CNTN4: variants seen among roughly 807,000 people sequenced by gnomAD.
CNTN4 encodes the protein contactin-4.
A neutral mutation model predicts 122.5 loss-of-function variants in CNTN4; 77 were observed. The observed-to-expected ratio is 0.63, with a 90% CI of 0.52 to 0.76. The LOEUF (loss-of-function observed/expected upper bound fraction) is 0.76. Ranked by LOEUF, CNTN4 falls within the 30% of genes least tolerant of loss-of-function variation. CNTN4 has a pLI of 0.00. For synonymous variants in CNTN4, 512 were observed against 447.0 expected (o/e 1.15, Z -1.83); for missense variants, 1,256 against 1,259.1 (o/e 1.00, Z 0.04).
chr3:2,626,988 T>G (rs2082215037), intron 4 of CNTN4, among the ~76,000 whole-genome samples: 1 of 152,238 alleles, frequency 6.6e-6, no homozygotes, highest in Non-Finnish European at 1.5e-5. Flanking sequence ...CAGTCTGCCC[T>G]TGGTTCCCAC....
rs529613454 is a variant in CNTN4, at chr3:2,295,944, G to A, written c.-144-43234G>A. On this transcript the variant is annotated intron_variant, in intron 2 of 24. Coordinates refer to ENST00000418658, the MANE Select transcript of CNTN4 (RefSeq NM_175607.3). ...ATTTATTAAATAGGGAATCCTTTCC[G>A]CATTTCTTGTTTTTATCAGGTTTGT... is the stretch of plus-strand genomic sequence containing the variant. 6.4e-3 allele frequency among the ~76,000 whole-genome samples: 969 copies of A among 152,080 alleles called. 9 individuals are homozygous for A. Among genetic ancestry groups the A allele is most frequent in the Non-Finnish European group, 0.011 (754 of 67,958 alleles).
chr3:2,855,933 G>T (rs1001840195), intron 7 of CNTN4, among the ~76,000 whole-genome samples: 2 of 152,194 alleles, frequency 1.3e-5, no homozygotes, highest in African/African-American at 4.8e-5. Context: ...TGATAGTCCA[G>T]AGGTTTTTTT....
intron 3 of CNTN4, among the ~76,000 whole-genome samples, chr3:2,570,653 C>T (rs571763574): frequency 5.3e-5 from 8 of 152,278 alleles, no homozygotes; most frequent in African/African-American, 1.7e-4. Context: ...CAAGGACATG[C>T]CTCCATTCCT....
intron 2 of CNTN4, among the ~76,000 whole-genome samples, chr3:2,229,207 C>T (rs2039395499): frequency 6.6e-6 from 1 of 152,152 alleles, no homozygotes; most frequent in African/African-American, 2.4e-5. Context: ...CGATGTATTT[C>T]ATCATTTATC....
intron 14 of CNTN4, among the ~76,000 whole-genome samples, chr3:3,014,669 A>G (rs527465020): frequency 3.3e-5 from 5 of 151,316 alleles, no homozygotes; most frequent in African/African-American, 1.2e-4. Flanking sequence ...GTTTCTCTGC[A>G]TTTTCATCTC....
At chr3:2,259,186 C>T (rs1421661772) in intron 2 of CNTN4, among the ~76,000 whole-genome samples, 2 of 151,898 alleles carry the variant, frequency 1.3e-5, no homozygotes, top group Non-Finnish European at 1.5e-5. Flanking sequence ...TGCTTTTGCT[C>T]ATAAGCCTAG....
At chr3:2,445,519 AT>A (rs2048594133) in intron 3 of CNTN4, among the ~76,000 whole-genome samples, 1 of 152,164 alleles carries the variant, frequency 6.6e-6, no homozygotes, top group Non-Finnish European at 1.5e-5. Flanking sequence ...CTTGAAAAAC[AT>A]TTTATATTGC....
At chr3:2,407,276 A>G (rs1053752614) in intron 3 of CNTN4, among the ~76,000 whole-genome samples, 1 of 152,186 alleles carries the variant, frequency 6.6e-6, no homozygotes, top group Non-Finnish European at 1.5e-5. Context: ...AAACAGAGGG[A>G]AAAAATTGAG....
At chr3:2,937,042 T>C (rs1419220584) in intron 13 of CNTN4, among the ~76,000 whole-genome samples, 1 of 152,224 alleles carries the variant, frequency 6.6e-6, no homozygotes, top group Non-Finnish European at 1.5e-5. Context: ...TGCCAAACTC[T>C]GATCTAACTC....
At chr3:2,180,111 C>A (rs1462467787) in intron 2 of CNTN4, among the ~76,000 whole-genome samples, 1 of 151,612 alleles carries the variant, frequency 6.6e-6, no homozygotes, top group Non-Finnish European at 1.5e-5. Context: ...AAAGGAGAGT[C>A]CTAATTAATA....
intron 4 of CNTN4, among the ~76,000 whole-genome samples, chr3:2,730,480 CT>C (rs954483731): frequency 4.0e-5 from 6 of 151,280 alleles, no homozygotes; most frequent in Admixed American, 4.0e-4. Context: ...TACCTTTTTA[CT>C]ATGTTGCTTT....
At chr3:2,488,207 A>G (rs368771020) in intron 3 of CNTN4, among the ~76,000 whole-genome samples, 3 of 152,232 alleles carry the variant, frequency 2.0e-5, no homozygotes, top group East Asian at 3.9e-4. Context: ...ATTAGCAATC[A>G]AAGTTCATGT....
chr3:2,768,490 G>A (rs977201344), intron 6 of CNTN4, among the ~76,000 whole-genome samples: 3 of 152,190 alleles, frequency 2.0e-5, no homozygotes, highest in African/African-American at 7.2e-5. Context: ...TTGTAGCACA[G>A]TCTTGTTCAG....
intron 6 of CNTN4, among the ~76,000 whole-genome samples, chr3:2,759,527 T>G (rs889821759): frequency 1.3e-5 from 2 of 152,236 alleles, no homozygotes; most frequent in African/African-American, 4.8e-5. Flanking sequence ...CATCAGTTGA[T>G]GGACGCTTGG....
chr3:2,756,565 T>C (rs972987842), intron 6 of CNTN4, among the ~76,000 whole-genome samples: 2 of 152,234 alleles, frequency 1.3e-5, no homozygotes, highest in Non-Finnish European at 2.9e-5. Context: ...AAAATGTGTC[T>C]ACCTGGAAAC....
chr3:2,172,490 A>C lies in CNTN4; in HGVS notation c.-145+71851A>C, dbSNP rs148063641. On this transcript the variant is annotated intron_variant, in intron 2 of 24. Transcript: ENST00000418658. ...TGATGGCTGCAACAAAATCCCGGAA[A>C]TCACCACTGAAGGACTTATCCACGT... Among the ~76,000 whole-genome samples the C allele has an allele frequency of 1.6e-3, 241 of 152,262 alleles. 1 individual carries two copies. Among genetic ancestry groups the C allele is most frequent in the African/African-American group, 5.7e-3 (237 of 41,556 alleles).
At chr3:2,485,094 G>A (rs1057454125) in intron 3 of CNTN4, among the ~76,000 whole-genome samples, 3 of 152,178 alleles carry the variant, frequency 2.0e-5, no homozygotes, top group Admixed American at 1.3e-4. Context: ...CAGCAGTGCC[G>A]GCCGGCCAGT....
At chr3:2,703,294 A>G (rs1576501909) in intron 4 of CNTN4, among the ~76,000 whole-genome samples, 2 of 152,326 alleles carry the variant, frequency 1.3e-5, no homozygotes. Flanking sequence ...ATGTTATGGT[A>G]CAGTATGAGT....
chr3:2,747,407 TA>T (rs1187974635), intron 6 of CNTN4, among the ~76,000 whole-genome samples: 8 of 26,302 alleles, frequency 3.0e-4, no homozygotes, highest in South Asian at 2.6e-3. Flanking sequence ...AGACTCCGTC[TA>T]AAAAAAAAAA....
Sources: allele counts gnomAD v4.1 joint callset (sites outside exome capture counted in the v4.1 genomes callset), GRCh38; gene constraint gnomAD v4.1.1; transcripts MANE v1.5; gene names NCBI Gene and HGNC (gene_info 2026-07-23, HGNC 2026-07-21).